Variants in SHANK2 observed in about 807,000 individuals in gnomAD.
The protein encoded by SHANK2 is SH3 and multiple ankyrin repeat domains 2.
In SHANK2, 43 loss-of-function variants were observed where a neutral mutation model predicts 133.7. The observed-to-expected ratio is 0.32, with a 90% CI of 0.25 to 0.41. SHANK2 has a LOEUF of 0.41. SHANK2 is among the 10% of genes least tolerant of loss of function. The pLI is 1.00. For missense variants in SHANK2, 1,994 were observed against 2,235.8 expected (o/e 0.89, Z 2.18); for synonymous variants, 1,017 against 952.8 (o/e 1.07, Z -1.24).
intron 15 of SHANK2, among the ~76,000 whole-genome samples, chr11:70,667,497 C>G (rs896628186): frequency 6.6e-6 from 1 of 152,162 alleles, no homozygotes; most frequent in East Asian, 1.9e-4. Context: ...GTGTCTGCCT[C>G]GCAAGACCAC....
rs1182751967 is a variant in SHANK2 at position 71,094,797 on chromosome 11, C to T, written c.593-109G>A. On this transcript the variant is annotated intron_variant, in intron 6 of 25. Coordinates refer to ENST00000601538, the MANE Select transcript of SHANK2 (RefSeq NM_012309.5). Reference sequence around the variant, plus strand: ...TGAAAGAACTGACTCCCCTCCTCCACCTCCAGGGTGTTTACAGCTCCCACC... The same window carrying T: ...TGAAAGAACTGACTCCCCTCCTCCATCTCCAGGGTGTTTACAGCTCCCACC... 6 of 1,223,860 alleles carry T rather than the reference C, an allele frequency of 4.9e-6. No individual in the cohort carries two copies. The African/African-American group carries it at 7.6e-5, about 15-fold the overall frequency. 75.8% of individuals were successfully genotyped at this position (1,223,860 alleles called of 1,614,324 possible).
intron 14 of SHANK2, among the ~76,000 whole-genome samples, chr11:70,756,251 C>T (rs1234998538): frequency 6.6e-6 from 1 of 152,156 alleles, no homozygotes; most frequent in Non-Finnish European, 1.5e-5. Flanking sequence ...CCTGAATGTC[C>T]AGGCTCTGAT....
intron 14 of SHANK2, among the ~76,000 whole-genome samples, chr11:70,770,915 CTTTTTTTT>C (rs71467419): frequency 6.5e-5 from 6 of 92,824 alleles, no homozygotes; most frequent in South Asian, 4.9e-4. Context: ...CTCTTACTTC[CTTTTTTTT>C]TTTTTTTTTT....
At chr11:70,683,869 C>T (rs781818198) in intron 15 of SHANK2, among the ~76,000 whole-genome samples, 17 of 152,008 alleles carry the variant, frequency 1.1e-4, no homozygotes, top group Admixed American at 2.6e-4. Flanking sequence ...CTGCAAACTC[C>T]GCCTCCTGGG....
chr11:70,664,947 G>A lies in SHANK2; in HGVS notation c.1854-3269C>T, dbSNP rs113500683. 3.5e-3 allele frequency among the ~76,000 whole-genome samples: 527 copies of A among 152,270 alleles called. 2 individuals are homozygous for A. The highest frequency in any genetic ancestry group is 6.8e-3 in the Middle Eastern group (2 of 294). On this transcript the variant is annotated intron_variant, in intron 15 of 25. Transcript: ENST00000601538. The stretch of plus-strand genomic sequence containing the variant: ...CCTGATGGGTCCTGAGCTGGAGGCC[G>A]TGGAGTCGTGCATCCATGCCTCAGA...
intron 17 of SHANK2, among the ~76,000 whole-genome samples, chr11:70,650,036 T>C (rs1216833638): frequency 2.6e-5 from 4 of 152,190 alleles, no homozygotes; most frequent in Non-Finnish European, 1.5e-5. Flanking sequence ...GGATAGTAAG[T>C]CAGTCACCTA....
intron 3 of SHANK2, among the ~76,000 whole-genome samples, chr11:71,134,026 C>T (rs76360742): frequency 0.067 from 10,154 of 150,800 alleles, 849 homozygotes; most frequent in African/African-American, 0.2. Context: ...TGCACCACTG[C>T]ACCCGGCTAC....
At chr11:71,132,591 A>G (rs573325161) in intron 3 of SHANK2, among the ~76,000 whole-genome samples, 70 of 152,332 alleles carry the variant, frequency 4.6e-4, no homozygotes, top group African/African-American at 1.5e-3. Context: ...AGACCCTGCA[A>G]ACTGGGCCAA....
chr11:70,726,108 T>C (rs1282024624), intron 14 of SHANK2, among the ~76,000 whole-genome samples: 1 of 152,188 alleles, frequency 6.6e-6, no homozygotes, highest in Non-Finnish European at 1.5e-5. Flanking sequence ...GTAAGTGCAT[T>C]GAGGACTTTT....
chr11:70,473,964 G>T lies in SHANK2; in HGVS notation c.4980-525C>A, dbSNP rs516941. ...CACCTGGAGGACAGGCCCCTCAGCC[G>T]CCTGGCAGCCTTAGGCTTTTTGGGT... On this transcript the variant is annotated intron_variant, in intron 25 of 25. Coordinates refer to ENST00000601538, the MANE Select transcript of SHANK2 (RefSeq NM_012309.5). The surrounding 1 kb of genome is among the most constrained non-coding windows in gnomAD (Gnocchi z 5.9). 0.35 allele frequency: 72,947 copies of T among 209,724 alleles called. 14,512 individuals carry two copies. Among genetic ancestry groups the T allele is most frequent in the East Asian group, 0.65 (6,507 of 9,986 alleles). 13.0% of individuals were successfully genotyped at this position (209,724 alleles called of 1,614,324 possible).
At chr11:70,693,541 T>C (rs1183183034) in intron 15 of SHANK2, among the ~76,000 whole-genome samples, 24 of 152,212 alleles carry the variant, frequency 1.6e-4, no homozygotes, top group Admixed American at 1.6e-3. Flanking sequence ...CAGGATTCTA[T>C]GACAGCACTC....
chr11:70,556,877 A>AT (rs2059839286), intron 17 of SHANK2, among the ~76,000 whole-genome samples: 1 of 150,772 alleles, frequency 6.6e-6, no homozygotes, highest in African/African-American at 2.4e-5. Flanking sequence ...TCCTGGCCTC[A>AT]TTTTTTCTCA....
intron 17 of SHANK2, among the ~76,000 whole-genome samples, chr11:70,575,139 G>A (rs1022980862): frequency 1.3e-5 from 2 of 152,138 alleles, no homozygotes; most frequent in South Asian, 4.1e-4. Flanking sequence ...ACATCACACT[G>A]AGTGGGAAGG....
chr11:70,565,128 G>C (rs2059951777), intron 17 of SHANK2, among the ~76,000 whole-genome samples: 1 of 152,142 alleles, frequency 6.6e-6, no homozygotes, highest in Non-Finnish European at 1.5e-5. Flanking sequence ...CAGACATCAT[G>C]AATTGTACTT....
At chr11:70,805,457 C>T (rs1158880857) in intron 13 of SHANK2, among the ~76,000 whole-genome samples, 2 of 152,224 alleles carry the variant, frequency 1.3e-5, no homozygotes, top group African/African-American at 4.8e-5. Flanking sequence ...CCGGCATCGG[C>T]CCTGATCCCT....
At chr11:71,099,674 T>C (rs1951685903) in intron 6 of SHANK2, among the ~76,000 whole-genome samples, 1 of 152,146 alleles carries the variant, frequency 6.6e-6, no homozygotes. Flanking sequence ...TTTAAATGGA[T>C]ACCTCACAAC....
intron 17 of SHANK2, among the ~76,000 whole-genome samples, chr11:70,549,103 C>G (rs782139720): frequency 6.6e-6 from 1 of 152,204 alleles, no homozygotes; most frequent in Non-Finnish European, 1.5e-5. Context: ...GCTGTGACAG[C>G]AGCCCCAGGA....
intron 15 of SHANK2, among the ~76,000 whole-genome samples, chr11:70,690,808 C>T (rs1945273745): frequency 6.6e-6 from 1 of 151,786 alleles, no homozygotes; most frequent in African/African-American, 2.4e-5. Context: ...CATTAGCATA[C>T]TGGCAAGAAC....
intron 17 of SHANK2, among the ~76,000 whole-genome samples, chr11:70,568,072 G>T (rs1753627839): frequency 6.6e-6 from 1 of 152,238 alleles, no homozygotes; most frequent in Admixed American, 6.5e-5. Context: ...ACTGCCGTGA[G>T]GCCAGCAGCG....
Sources: gnomAD v4.1 joint callset for allele counts (sites outside exome capture counted in the v4.1 genomes callset) on GRCh38, gnomAD v4.1.1 for gene constraint, Gnocchi (gnomAD v3.1) non-coding constraint, MANE v1.5 for transcripts, NCBI Gene and HGNC (gene_info 2026-07-23, HGNC 2026-07-21) for gene names.